SIK3: variants seen among roughly 807,000 people sequenced by gnomAD.
The protein encoded by SIK3 is SIK family kinase 3.
Under a neutral mutation model 144.2 loss-of-function variants are expected in SIK3, and 28 were observed. That is an observed-to-expected ratio of 0.19 (90% CI 0.14 to 0.27). The LOEUF is 0.27. SIK3 is among the 10% of genes least tolerant of loss of function. The pLI, the probability that SIK3 is intolerant of heterozygous loss-of-function variation, is 1.00. For missense variants in SIK3, 1,319 were observed against 1,776.0 expected, an observed-to-expected ratio of 0.74 and a Z score of 4.62; for synonymous variants, 686 against 676.3, an observed-to-expected ratio of 1.01 and a Z score of -0.22.
chr11:117,005,475 G>A lies in SIK3; in HGVS notation c.274-48411C>T, dbSNP rs559288744. Among the ~76,000 whole-genome samples, 32 of 151,450 alleles carry A rather than the reference G, an allele frequency of 2.1e-4. 1 individual carries two copies. The South Asian group carries it at 5.2e-3, about 25-fold the overall frequency. Reference sequence around the variant, plus strand: ...TCCCTGCAAGAGCCAGAACCTAAACGTTTCTTAGAAACAGAACAGTGACTG... The same window carrying A: ...TCCCTGCAAGAGCCAGAACCTAAACATTTCTTAGAAACAGAACAGTGACTG... On this transcript the variant is annotated intron_variant, in intron 1 of 24. Coordinates refer to ENST00000445177, the MANE Select transcript of SIK3 (RefSeq NM_001366686.3).
chr11:117,032,998 G>C (rs1952329208), intron 1 of SIK3, among the ~76,000 whole-genome samples: 1 of 152,126 alleles, frequency 6.6e-6, no homozygotes, highest in Non-Finnish European at 1.5e-5. Context: ...CTTACAAAAA[G>C]GTCCAGGTAA....
intron 3 of SIK3, among the ~76,000 whole-genome samples, chr11:116,952,800 C>T (rs185626368): frequency 6.6e-6 from 1 of 152,298 alleles, no homozygotes; most frequent in Admixed American, 6.5e-5. Flanking sequence ...ATCTCCAAGG[C>T]ACATGATTGG....
chr11:117,064,308 C>A (rs1181192804), intron 1 of SIK3, among the ~76,000 whole-genome samples: 16 of 152,144 alleles, frequency 1.1e-4, no homozygotes. Context: ...AATTCCTATA[C>A]CCCTACAACT....
At chr11:116,921,200 G>A (rs1946950741) in intron 4 of SIK3, among the ~76,000 whole-genome samples, 2 of 152,170 alleles carry the variant, frequency 1.3e-5, no homozygotes, top group Non-Finnish European at 2.9e-5. Flanking sequence ...AAGTTTTGGA[G>A]AGTTAAAAGT....
intron 4 of SIK3, among the ~76,000 whole-genome samples, chr11:116,902,946 G>A (rs1945817370): frequency 6.6e-6 from 1 of 152,130 alleles, no homozygotes; most frequent in African/African-American, 2.4e-5. Flanking sequence ...CGGTTTCATT[G>A]AAAGCATATC....
chr11:116,957,913 C>T (rs899688032), intron 1 of SIK3, among the ~76,000 whole-genome samples: 1 of 152,028 alleles, frequency 6.6e-6, no homozygotes, highest in Admixed American at 6.6e-5. Flanking sequence ...TTCCAATGTG[C>T]CCCCTTTTAA....
chr11:117,075,781 G>A (rs1954489720), intron 1 of SIK3, among the ~76,000 whole-genome samples: 1 of 141,454 alleles, frequency 7.1e-6, no homozygotes, highest in South Asian at 2.3e-4. Flanking sequence ...CTGACCTTAT[G>A]ATCTGCCCAC....
chr11:116,854,738 C>G (rs1461651201), intron 21 of SIK3, among the ~76,000 whole-genome samples: 1 of 152,090 alleles, frequency 6.6e-6, no homozygotes, highest in Non-Finnish European at 1.5e-5. Flanking sequence ...CAGAAGTGAA[C>G]AGCAAATTAT....
chr11:117,022,055 G>A lies in SIK3; in HGVS notation c.274-64991C>T, dbSNP rs148459660. ...GAGCACCTTCTACCTGTAACAACAGGCCTGCCTACAAAGAAAATATTAGTT... is the reference window on the plus strand; with the variant it reads ...GAGCACCTTCTACCTGTAACAACAGACCTGCCTACAAAGAAAATATTAGTT... On this transcript the variant is annotated intron_variant, in intron 1 of 24. Transcript: ENST00000445177. 1.8e-3 allele frequency among the ~76,000 whole-genome samples: 272 copies of A among 151,502 alleles called. 1 individual carries two copies. The Middle Eastern group carries it at 0.021, about 11-fold the overall frequency.
intron 1 of SIK3, among the ~76,000 whole-genome samples, chr11:117,009,820 C>T (rs1408307181): frequency 1.1e-4 from 16 of 152,092 alleles, no homozygotes; most frequent in African/African-American, 3.9e-4. Context: ...TATTCAACTA[C>T]TCCTCAAAAA....
intron 14 of SIK3, chr11:116,869,183 G>T (rs1160872829): frequency 6.7e-6 from 1 of 148,968 alleles, no homozygotes; most frequent in African/African-American, 2.5e-5. Context: ...CAGCATCAAG[G>T]AAAAAAAAAA....
chr11:116,886,528 C>T lies in SIK3; in HGVS notation c.866-9486G>A, dbSNP rs149690458. On this transcript the variant is annotated intron_variant, in intron 6 of 24. Transcript: ENST00000445177. ...TATGTAAGCCTGGGTTTTGCGTTCCCAGTAATAAAATGCTCATGCAGTATT... is the reference window on the plus strand; with the variant it reads ...TATGTAAGCCTGGGTTTTGCGTTCCTAGTAATAAAATGCTCATGCAGTATT... Among the ~76,000 whole-genome samples, 348 of 152,302 alleles carry T rather than the reference C, an allele frequency of 2.3e-3. 3 individuals are homozygous for T. The highest frequency in any genetic ancestry group is 7.8e-3 in the African/African-American group (326 of 41,568).
chr11:116,908,858 C>T (rs1001567703), intron 4 of SIK3, among the ~76,000 whole-genome samples: 9 of 152,156 alleles, frequency 5.9e-5, no homozygotes, highest in Non-Finnish European at 1.3e-4. Context: ...AAAACACACA[C>T]CATATGACCC....
chr11:116,895,080 A>G (rs1002675534), intron 6 of SIK3, among the ~76,000 whole-genome samples: 2 of 152,208 alleles, frequency 1.3e-5, no homozygotes, highest in Non-Finnish European at 2.9e-5. Flanking sequence ...CAGTCACAGT[A>G]AAATCTAAAG....
chr11:117,041,917 T>C (rs930073341), intron 1 of SIK3, among the ~76,000 whole-genome samples: 1 of 150,416 alleles, frequency 6.6e-6, no homozygotes, highest in Non-Finnish European at 1.5e-5. Context: ...CTCTTTTTTT[T>C]CATGTCTTTT....
chr11:117,058,607 T>TTAAA (rs969369273), intron 1 of SIK3, among the ~76,000 whole-genome samples: 9 of 152,188 alleles, frequency 5.9e-5, no homozygotes, highest in African/African-American at 2.2e-4. Flanking sequence ...TTCTCTCTTT[T>TTAAA]TAAAGGTCAC....
chr11:117,005,141 G>A (rs1276083741), intron 1 of SIK3, among the ~76,000 whole-genome samples: 2 of 151,540 alleles, frequency 1.3e-5, no homozygotes, highest in Non-Finnish European at 2.9e-5. Context: ...ATAATACTCA[G>A]AATATAAAAA....
intron 21 of SIK3, 144 bp downstream of exon 21, chr11:116,857,666 C>T: frequency 7.2e-7 from 1 of 1,392,320 alleles, no homozygotes; most frequent in Non-Finnish European, 9.5e-7. Flanking sequence ...CCACTTCCTA[C>T]ATGCTTCTCC....
At chr11:117,076,163 G>A (rs1053163576) in intron 1 of SIK3, among the ~76,000 whole-genome samples, 3 of 151,806 alleles carry the variant, frequency 2.0e-5, no homozygotes, top group Non-Finnish European at 4.4e-5. Context: ...ACTGATACTC[G>A]TAAAACTTAC....
Sources: allele counts gnomAD v4.1 joint callset (sites outside exome capture counted in the v4.1 genomes callset), GRCh38; gene constraint gnomAD v4.1.1; transcripts MANE v1.5; gene names NCBI Gene and HGNC (gene_info 2026-07-23, HGNC 2026-07-21).